Variants in PKHD1 observed in about 807,000 individuals in gnomAD.
PKHD1 encodes PKHD1 ciliary IPT domain containing fibrocystin/polyductin, also known as fibrocystin.
Under a neutral mutation model 412.0 loss-of-function variants are expected in PKHD1, and 291 were observed. The observed-to-expected ratio is 0.71, with a 90% confidence interval of 0.64 to 0.78. The LOEUF (loss-of-function observed/expected upper bound fraction) is 0.78, where lower values mean the gene tolerates loss of function less well. Among genes scored for constraint, PKHD1 ranks in the 30% least tolerant of loss-of-function variants. PKHD1 has a pLI of 0.00. For synonymous variants in PKHD1, 1,777 were observed against 1,821.5 expected (o/e 0.98, Z 0.62); for missense variants, 4,825 against 4,950.7 (o/e 0.97, Z 0.76).
In PKHD1 at chr6:51,871,158, A is replaced by G. The variant is rs181199306; in HGVS notation, c.7351-519T>C. On this transcript the variant is annotated intron_variant, in intron 46 of 66. Coordinates refer to ENST00000371117, the MANE Select transcript of PKHD1 (RefSeq NM_138694.4). ...TAAATATGCCCTTATCATATGACCTAGCAATTCAACTCCTAGGTATTTACC... is the reference window on the plus strand; with the variant it reads ...TAAATATGCCCTTATCATATGACCTGGCAATTCAACTCCTAGGTATTTACC... Among the ~76,000 whole-genome samples the G allele has an allele frequency of 1.1e-3, 164 of 152,304 alleles. 1 individual carries two copies. Among genetic ancestry groups the G allele is most frequent in the Non-Finnish European group, 3.4e-4 (23 of 68,028 alleles).
At chr6:51,925,596 T>C (rs1785452709) in intron 37 of PKHD1, among the ~76,000 whole-genome samples, 1 of 152,180 alleles carries the variant, frequency 6.6e-6, no homozygotes, top group Admixed American at 6.5e-5. Context: ...ACAAAAAGGC[T>C]GAGTATGAAG....
intron 35 of PKHD1, among the ~76,000 whole-genome samples, chr6:51,999,670 G>T (rs914298489): frequency 6.6e-6 from 1 of 152,138 alleles, no homozygotes; most frequent in Non-Finnish European, 1.5e-5. Context: ...GAAAACCCAA[G>T]TTCTCCAAAT....
chr6:52,006,373 TG>T (rs1381764663), intron 35 of PKHD1, among the ~76,000 whole-genome samples: 2 of 148,956 alleles, frequency 1.3e-5, no homozygotes, highest in African/African-American at 5.0e-5. Context: ...TTGTTGTTGT[TG>T]TTTGTTTGTT....
intron 52 of PKHD1, among the ~76,000 whole-genome samples, chr6:51,826,163 T>C (rs1357639723): frequency 1.3e-5 from 2 of 152,164 alleles, no homozygotes; most frequent in East Asian, 1.9e-4. Flanking sequence ...TTATGATCTT[T>C]TGCAATTTAA....
chr6:51,689,881 G>A (rs1777926900), intron 60 of PKHD1, among the ~76,000 whole-genome samples: 1 of 152,140 alleles, frequency 6.6e-6, no homozygotes, highest in Admixed American at 6.5e-5. Context: ...CATGCTTATG[G>A]AAGAAAGAAT....
intron 39 of PKHD1, among the ~76,000 whole-genome samples, chr6:51,911,334 C>A (rs1207610270): frequency 6.6e-6 from 1 of 152,116 alleles, no homozygotes; most frequent in Non-Finnish European, 1.5e-5. Context: ...ATTTTTCCAC[C>A]ACTTACCTAA....
intron 60 of PKHD1, among the ~76,000 whole-genome samples, chr6:51,713,413 A>G (rs1039639512): frequency 6.6e-6 from 1 of 152,116 alleles, no homozygotes; most frequent in Non-Finnish European, 1.5e-5. Flanking sequence ...GCTTTGGATC[A>G]TTTTCCTTGA....
chr6:51,972,009 G>A (rs1189801507), intron 35 of PKHD1, among the ~76,000 whole-genome samples: 1 of 152,114 alleles, frequency 6.6e-6, no homozygotes, highest in South Asian at 2.1e-4. Context: ...TGGGATTACA[G>A]GTGTGAGCCA....
intron 35 of PKHD1, among the ~76,000 whole-genome samples, chr6:51,986,549 A>AT (rs1322413108): frequency 1.3e-5 from 2 of 152,184 alleles, no homozygotes; most frequent in African/African-American, 2.4e-5. Context: ...TAGAGTTATT[A>AT]TTTTTTTAAA....
intron 60 of PKHD1, among the ~76,000 whole-genome samples, chr6:51,735,837 G>A (rs1177179210): frequency 1.3e-5 from 2 of 152,136 alleles, no homozygotes; most frequent in Non-Finnish European, 2.9e-5. Flanking sequence ...GGAAGGCTGA[G>A]GTGGGAGGAT....
chr6:51,989,492 G>A (rs752978839), intron 35 of PKHD1, among the ~76,000 whole-genome samples: 67 of 152,168 alleles, frequency 4.4e-4, no homozygotes, highest in Non-Finnish European at 8.4e-4. Flanking sequence ...CTATGTGCAC[G>A]TGTATGTGTG....
At chr6:52,041,913 T>G (rs1405257066) in intron 27 of PKHD1, among the ~76,000 whole-genome samples, 2 of 152,154 alleles carry the variant, frequency 1.3e-5, no homozygotes, top group African/African-American at 4.8e-5. Flanking sequence ...AGTCACCTGT[T>G]TGCCTTAAGG....
chr6:51,752,408 C>G (rs895360488), intron 57 of PKHD1, among the ~76,000 whole-genome samples: 1 of 152,140 alleles, frequency 6.6e-6, no homozygotes, highest in Non-Finnish European at 1.5e-5. Flanking sequence ...CCACTGATAA[C>G]GGCTTATGGA....
At chr6:51,830,669 T>C (rs574871424) in intron 52 of PKHD1, among the ~76,000 whole-genome samples, 192 bp downstream of exon 52, 1 of 152,304 alleles carries the variant, frequency 6.6e-6, no homozygotes, top group East Asian at 1.9e-4. Flanking sequence ...GCTAGGTTAA[T>C]TTTGGGGGGA....
At chr6:51,724,361 C>T (rs1036551167) in intron 60 of PKHD1, among the ~76,000 whole-genome samples, 1 of 152,042 alleles carries the variant, frequency 6.6e-6, no homozygotes, top group Non-Finnish European at 1.5e-5. Context: ...TGCCTATAGC[C>T]CCTCATACCA....
In PKHD1 at chr6:52,017,465, C is replaced by T. The variant is rs1268569977; in HGVS notation, c.5545G>A (p.Val1849Met). ...ICEESSQCLF[V>M]PDHWAESMFP... The stretch of plus-strand genomic sequence containing the variant: ...ATTGACTCTGCCCAATGATCTGGCA[C>T]AAAGAGGCATTGGGAACTTTCCTCG... The change falls in exon 34 of 67, where the codon GTG becomes ATG. Residue 1849 changes from valine to methionine, a missense_variant. Val to Met is a conservative substitution (Grantham distance 21). Coordinates refer to ENST00000371117, the MANE Select transcript of PKHD1 (RefSeq NM_138694.4). 6.2e-7 allele frequency: 1 copy of T among 1,614,096 alleles called. No individual in the cohort carries two copies. The highest frequency in any genetic ancestry group is 2.2e-5 in the East Asian group (1 of 44,892).
intron 40 of PKHD1, 135 bp downstream of exon 40, chr6:51,909,148 T>C: frequency 6.6e-6 from 5 of 760,680 alleles, no homozygotes; most frequent in East Asian, 5.3e-5. Context: ...TTGGGAACCA[T>C]AGACCTAGAA....
intron 57 of PKHD1, among the ~76,000 whole-genome samples, chr6:51,752,238 T>C (rs527299819): frequency 1.3e-5 from 2 of 152,188 alleles, no homozygotes; most frequent in Admixed American, 6.5e-5. Context: ...CTCAACACTA[T>C]TGACATTTGG....
chr6:51,891,648 C>A (rs9395739), intron 43 of PKHD1, among the ~76,000 whole-genome samples: 51,976 of 151,216 alleles, frequency 0.34, 9,884 homozygotes, highest in East Asian at 0.74. Context: ...TATAGCGGCA[C>A]CCCCAACAGG....
Sources: gnomAD v4.1 joint callset for allele counts (sites outside exome capture counted in the v4.1 genomes callset) on GRCh38, gnomAD v4.1.1 for gene constraint, MANE v1.5 for transcripts, NCBI Gene and HGNC (gene_info 2026-07-23, HGNC 2026-07-21) for gene names.